Variants in SLC38A12 observed in about 807,000 individuals in gnomAD.
SLC38A12 encodes the protein solute carrier family 38 member 12.
chr17:74,822,285 G>A, the SLC38A12 span, among the ~76,000 whole-genome samples: 1 of 152,192 alleles, frequency 6.6e-6, no homozygotes, highest in Admixed American at 6.5e-5. Flanking sequence ...TGGAGACCCT[G>A]CTTCCCCAGA....
At chr17:74,819,863 C>CTCAGAG in the SLC38A12 span, 1 of 1,599,598 alleles carries the variant, frequency 6.3e-7, no homozygotes, top group Non-Finnish European at 8.6e-7. Context: ...AGAAACAGCT[C>CTCAGAG]GAGTCTCTGC....
chr17:74,783,986 C>T, the SLC38A12 span, among the ~76,000 whole-genome samples: 11,537 of 150,906 alleles, frequency 0.076, 673 homozygotes, highest in African/African-American at 0.16. Flanking sequence ...CTCAGCCTCC[C>T]AAAGTGCCAG....
the SLC38A12 span, among the ~76,000 whole-genome samples, chr17:74,801,727 A>G: frequency 6.6e-6 from 1 of 152,182 alleles, no homozygotes; most frequent in Non-Finnish European, 1.5e-5. Context: ...GGTGACCTCA[A>G]AGGATTAGCT....
chr17:74,814,712 C>T, the SLC38A12 span, among the ~76,000 whole-genome samples: 16 of 152,280 alleles, frequency 1.1e-4, no homozygotes, highest in African/African-American at 3.9e-4. Flanking sequence ...CCCCTTCACC[C>T]ACTCTAGCAG....
At chr17:74,826,272 G>A in the SLC38A12 span, among the ~76,000 whole-genome samples, 2 of 152,334 alleles carry the variant, frequency 1.3e-5, no homozygotes, top group Admixed American at 6.5e-5. Flanking sequence ...TTGCTCCAGA[G>A]GCTCAGACAC....
At chr17:74,836,306 C>T in the SLC38A12 span, 3 of 1,612,826 alleles carry the variant, frequency 1.9e-6, no homozygotes, top group Admixed American at 1.7e-5. This position sits in a 1 kb window ranked among gnomAD's most constrained non-coding sequence, Gnocchi z 4.2. Context: ...CCAACTTCCC[C>T]ATCATTGCCG....
At chr17:74,789,392 TG>T in the SLC38A12 span, among the ~76,000 whole-genome samples, 12 of 151,160 alleles carry the variant, frequency 7.9e-5, no homozygotes, top group Admixed American at 7.9e-4. Context: ...TAGCCTGGCA[TG>T]ATGATGTGTG....
chr17:74,826,824 G>T, the SLC38A12 span, among the ~76,000 whole-genome samples: 1 of 152,208 alleles, frequency 6.6e-6, no homozygotes, highest in African/African-American at 2.4e-5. Flanking sequence ...GTGGGGTAGT[G>T]GGGATTGCCT....
chr17:74,824,198 C>T, the SLC38A12 span, among the ~76,000 whole-genome samples: 1 of 152,178 alleles, frequency 6.6e-6, no homozygotes, highest in African/African-American at 2.4e-5. Context: ...AGCTGTGGTG[C>T]GTGGAGAGGA....
chr17:74,781,302 C>CTT, the SLC38A12 span, among the ~76,000 whole-genome samples: 1 of 150,492 alleles, frequency 6.6e-6, no homozygotes, highest in East Asian at 1.9e-4. Context: ...CCATTACTTT[C>CTT]TTTTTTTTTT....
the SLC38A12 span, among the ~76,000 whole-genome samples, chr17:74,827,596 G>A: frequency 6.6e-6 from 1 of 152,058 alleles, no homozygotes; most frequent in African/African-American, 2.4e-5. This position sits in a 1 kb window ranked among gnomAD's most constrained non-coding sequence, Gnocchi z 4.7. Flanking sequence ...GTGCCCGGCC[G>A]CATCTGCATT....
At chr17:74,836,142 G>C in the SLC38A12 span, 1 of 1,613,802 alleles carries the variant, frequency 6.2e-7, no homozygotes, top group Non-Finnish European at 8.5e-7. This position sits in a 1 kb window ranked among gnomAD's most constrained non-coding sequence, Gnocchi z 4.2. Context: ...GCTGATCCTG[G>C]CCTTCTACGG....
chr17:74,810,119 G>A, the SLC38A12 span, among the ~76,000 whole-genome samples: 2 of 152,312 alleles, frequency 1.3e-5, no homozygotes, highest in African/African-American at 2.4e-5. Context: ...CCGTCTTTGA[G>A]AAGAGCTGTA....
chr17:74,789,985 G>A, the SLC38A12 span, among the ~76,000 whole-genome samples: 3 of 136,296 alleles, frequency 2.2e-5, no homozygotes, highest in Admixed American at 7.9e-5. Flanking sequence ...CAGGGTCTTC[G>A]CTCTGTCACC....
the SLC38A12 span, among the ~76,000 whole-genome samples, chr17:74,811,104 C>T: frequency 6.6e-6 from 1 of 152,064 alleles, no homozygotes; most frequent in African/African-American, 2.4e-5. Flanking sequence ...CCAAGGAAGG[C>T]AGATTGCTTG....
At chr17:74,837,388 C>T in the SLC38A12 span, 11 of 985,426 alleles carry the variant, frequency 1.1e-5, no homozygotes, top group Non-Finnish European at 1.3e-5. Flanking sequence ...GGGACACAGC[C>T]GCCTGCCAGC....
chr17:74,776,804 G>A, the SLC38A12 span, among the ~76,000 whole-genome samples: 2 of 152,142 alleles, frequency 1.3e-5, no homozygotes, highest in South Asian at 4.1e-4. Context: ...AGGCCTTAGT[G>A]CCAAGAGTGG....
chr17:74,817,076 C>T, the SLC38A12 span, among the ~76,000 whole-genome samples: 1 of 148,986 alleles, frequency 6.7e-6, no homozygotes, highest in African/African-American at 2.5e-5. Flanking sequence ...ATGCCATTGC[C>T]TCTGTCCTCA....
At chr17:74,819,691 T>C in the SLC38A12 span, 2 of 1,518,776 alleles carry the variant, frequency 1.3e-6, no homozygotes, top group South Asian at 1.1e-5. Context: ...GCGTCTTCCG[T>C]GTGCAGACAG....
Sources: allele counts gnomAD v4.1 joint callset (sites outside exome capture counted in the v4.1 genomes callset), GRCh38; gene constraint gnomAD v4.1.1; non-coding constraint Gnocchi (gnomAD v3.1); transcripts MANE v1.5; gene names NCBI Gene and HGNC (gene_info 2026-07-23, HGNC 2026-07-21).